The following ARHGAP6 variants were observed in gnomAD, a reference collection of about 807,000 sequenced individuals.
ARHGAP6 encodes rho GTPase-activating protein 6.
In ARHGAP6, 16 loss-of-function variants were observed where a neutral mutation model predicts 55.7. That is an observed-to-expected ratio of 0.29 (90% confidence interval 0.19 to 0.44). The LOEUF is 0.44. Among genes scored for constraint, ARHGAP6 ranks in the 20% least tolerant of loss-of-function variants. The pLI is 1.00. For missense variants in ARHGAP6, 698 were observed against 808.9 expected, an observed-to-expected ratio of 0.86 and a Z score of 1.66; for synonymous variants, 382 against 360.9, an observed-to-expected ratio of 1.06 and a Z score of -0.66.
At chrX:11,240,781 G>A (rs1053669135) in intron 2 of ARHGAP6, among the ~76,000 whole-genome samples, 5 of 110,354 alleles carry the variant, frequency 4.5e-5, no homozygotes, top group Non-Finnish European at 7.6e-5. Context: ...ATGGTGGCTC[G>A]TATCTGTAAT....
intron 1 of ARHGAP6, among the ~76,000 whole-genome samples, chrX:11,655,707 C>A (rs781194552): frequency 8.9e-6 from 1 of 112,005 alleles, no homozygotes; most frequent in Non-Finnish European, 1.9e-5. Context: ...GTTTTTCTGC[C>A]ATGTCGTAAC....
At chrX:11,332,157 G>A (rs1235888667) in intron 1 of ARHGAP6, among the ~76,000 whole-genome samples, 6 of 111,281 alleles carry the variant, frequency 5.4e-5, no homozygotes, top group East Asian at 2.8e-4. Flanking sequence ...CCCTCTTGCC[G>A]CTATATTTTT....
At chrX:11,224,504 G>A (rs1183048282) in intron 2 of ARHGAP6, among the ~76,000 whole-genome samples, 5 of 111,891 alleles carry the variant, frequency 4.5e-5, no homozygotes, top group African/African-American at 1.6e-4. Context: ...GCAGCATTAG[G>A]GGTCCAACTG....
intron 1 of ARHGAP6, among the ~76,000 whole-genome samples, chrX:11,388,847 T>C (rs1169269278): frequency 1.8e-5 from 2 of 112,204 alleles, no homozygotes; most frequent in East Asian, 5.6e-4. Flanking sequence ...TCAATTATTT[T>C]ACATATTTGA....
At chrX:11,570,386 GATA>G (rs1306305758) in intron 1 of ARHGAP6, among the ~76,000 whole-genome samples, 1 of 111,516 alleles carries the variant, frequency 9.0e-6, no homozygotes, top group Admixed American at 9.6e-5. Context: ...ATAAATATTT[GATA>G]ATATGTTTAA....
At chrX:11,607,263 T>C (rs1346728585) in intron 1 of ARHGAP6, among the ~76,000 whole-genome samples, 1 of 112,126 alleles carries the variant, frequency 8.9e-6, no homozygotes, top group African/African-American at 3.2e-5. Context: ...TTGTTTCTCT[T>C]ATCATAGTCT....
At chrX:11,400,205 A>C (rs753415464) in intron 1 of ARHGAP6, among the ~76,000 whole-genome samples, 234 of 111,595 alleles carry the variant, frequency 2.1e-3, no homozygotes, top group Non-Finnish European at 4.0e-3. Flanking sequence ...CACTTTTAAA[A>C]AGGGGAATTT....
At chrX:11,157,212 A>G (rs1285606988) in intron 9 of ARHGAP6, among the ~76,000 whole-genome samples, 1 of 112,308 alleles carries the variant, frequency 8.9e-6, no homozygotes, top group East Asian at 2.8e-4. Flanking sequence ...GGGGATAACA[A>G]CAGTACTCAC....
intron 1 of ARHGAP6, among the ~76,000 whole-genome samples, chrX:11,447,793 T>TTC (rs1312553738): frequency 8.9e-6 from 1 of 112,467 alleles, no homozygotes; most frequent in Non-Finnish European, 1.9e-5. Context: ...AGAAAGGTGT[T>TTC]TCTAAGGGAT....
At chrX:11,353,822 G>T (rs1322342002) in intron 1 of ARHGAP6, among the ~76,000 whole-genome samples, 1 of 110,617 alleles carries the variant, frequency 9.0e-6, no homozygotes, top group African/African-American at 3.3e-5. Context: ...CTCATCATTG[G>T]AAAGGGTGTA....
chrX:11,157,298 T>A (rs766016774), intron 9 of ARHGAP6, among the ~76,000 whole-genome samples: 25 of 112,637 alleles, frequency 2.2e-4, no homozygotes, highest in African/African-American at 8.1e-4. Context: ...CAATGGTAAA[T>A]ACTCAAAAAA....
intron 1 of ARHGAP6, among the ~76,000 whole-genome samples, chrX:11,585,637 T>C (rs907625730): frequency 8.9e-6 from 1 of 112,738 alleles, no homozygotes; most frequent in African/African-American, 3.2e-5. Flanking sequence ...TTGTTTTTTC[T>C]TGGAAATTTA....
At chrX:11,181,908 T>C (rs181220454) in intron 6 of ARHGAP6, among the ~76,000 whole-genome samples, 155 bp downstream of exon 6, 279 of 110,101 alleles carry the variant, frequency 2.5e-3, no homozygotes, top group African/African-American at 8.4e-3. Flanking sequence ...GTTGTTGCCT[T>C]TTACCTCCTG....
chrX:11,510,698 C>T (rs975508862), intron 1 of ARHGAP6, among the ~76,000 whole-genome samples: 1 of 111,148 alleles, frequency 9.0e-6, no homozygotes, highest in Non-Finnish European at 1.9e-5. Context: ...TAGTGATGGC[C>T]GTTTTAAGCC....
chrX:11,664,176 C>T, intron 1 of ARHGAP6, 65 bp downstream of exon 1: 1 of 1,014,094 alleles, frequency 9.9e-7, no homozygotes, highest in Non-Finnish European at 1.3e-6. Context: ...GAATTAAAGG[C>T]GGTCTCCTGA....
Position 11,331,000 on chromosome X carries a change from TCTC to T in ARHGAP6, c.589-76296_589-76294del, listed in dbSNP as rs977323196. ...CAGAAGCAAAAGTTTCTCCTGACCT[TCTC>T]CTGTCCTCCTCTCAGTCCCATTTTG... On this transcript the variant is annotated intron_variant, in intron 1 of 12. Coordinates refer to ENST00000337414, the MANE Select transcript of ARHGAP6 (RefSeq NM_013427.3). 5.4e-5 allele frequency among the ~76,000 whole-genome samples: 6 copies of T among 111,886 alleles called. No individual in the cohort carries two copies. In the Admixed American group the frequency reaches 5.7e-4, roughly 11 times the overall value.
At chrX:11,394,613 T>C (rs1455833970) in intron 1 of ARHGAP6, among the ~76,000 whole-genome samples, 1 of 112,140 alleles carries the variant, frequency 8.9e-6, no homozygotes, top group African/African-American at 3.2e-5. Flanking sequence ...TTAAAATTAA[T>C]CTTATACATT....
chrX:11,358,665 A>G (rs779708075), intron 1 of ARHGAP6, among the ~76,000 whole-genome samples: 1 of 110,181 alleles, frequency 9.1e-6, no homozygotes, highest in Admixed American at 9.7e-5. Context: ...ATTTTTTAGT[A>G]GAGGTGGGGT....
At chrX:11,475,588 CACACACACAA>C (rs1046602786) in intron 1 of ARHGAP6, among the ~76,000 whole-genome samples, 2 of 108,694 alleles carry the variant, frequency 1.8e-5, no homozygotes, top group Admixed American at 9.9e-5. Context: ...CACACACACA[CACACACACAA>C]ACACACACAC....
Sources: allele counts gnomAD v4.1 joint callset (sites outside exome capture counted in the v4.1 genomes callset), GRCh38; gene constraint gnomAD v4.1.1; transcripts MANE v1.5; gene names NCBI Gene and HGNC (gene_info 2026-07-23, HGNC 2026-07-21).